The following SDK1 variants were observed in gnomAD, a reference collection of about 807,000 sequenced individuals.
SDK1 encodes the protein protein sidekick-1.
A neutral mutation model predicts 245.5 loss-of-function variants in SDK1; 157 were observed. That is an observed-to-expected ratio of 0.64 (90% CI 0.56 to 0.73). SDK1 has a LOEUF of 0.73. Among genes scored for constraint, SDK1 ranks in the 30% least tolerant of loss-of-function variants. SDK1 has a pLI of 0.00. For synonymous variants in SDK1, 1,647 were observed against 1,278.5 expected (o/e 1.29, Z -6.15); for missense variants, 3,583 against 3,002.3 (o/e 1.19, Z -4.52).
In SDK1 at chr7:4,268,947, CAGAG is replaced by C. The variant is rs1454211897; in HGVS notation, c.*3566_*3569del. 3 of 321,172 alleles carry C rather than the reference CAGAG, an allele frequency of 9.3e-6. No individual in the cohort carries two copies. The highest frequency in any genetic ancestry group is 4.3e-5 in the African/African-American group (2 of 46,128). The allele number at this position is 321,172 out of a possible 1,614,324, so 19.9% of individuals were successfully genotyped here. A position where few individuals can be genotyped will look rare whatever the true frequency, so the allele number is the denominator to read the frequency against. Reference sequence around the variant, plus strand: ...AAAAAAGAAACAACTTGTAGGAAGACAGAGAGGTGCTATGGGTACAATTTTTAAT... The same window carrying C: ...AAAAAAGAAACAACTTGTAGGAAGACAGGTGCTATGGGTACAATTTTTAAT... On this transcript the variant is annotated 3_prime_UTR_variant, in exon 45 of 45. Coordinates refer to ENST00000404826, the MANE Select transcript of SDK1 (RefSeq NM_152744.4).
chr7:3,738,590 T>C (rs1457276917), intron 4 of SDK1, among the ~76,000 whole-genome samples: 2 of 152,210 alleles, frequency 1.3e-5, no homozygotes, highest in East Asian at 1.9e-4. Flanking sequence ...TTAGGAATTT[T>C]AGCAGGATTG....
chr7:3,498,903 C>A (rs1782107198), intron 1 of SDK1, among the ~76,000 whole-genome samples: 1 of 152,050 alleles, frequency 6.6e-6, no homozygotes, highest in Non-Finnish European at 1.5e-5. Flanking sequence ...TTTAGGGGAC[C>A]CAGTGGGCAT....
intron 19 of SDK1, among the ~76,000 whole-genome samples, chr7:4,062,282 T>C (rs916103074): frequency 5.3e-5 from 8 of 152,130 alleles, no homozygotes; most frequent in Non-Finnish European, 7.4e-5. Flanking sequence ...GGAGACATTA[T>C]AACTGATACC....
chr7:3,741,702 C>T (rs1489421759), intron 4 of SDK1, among the ~76,000 whole-genome samples: 1 of 152,120 alleles, frequency 6.6e-6, no homozygotes, highest in Admixed American at 6.5e-5. Flanking sequence ...ATCACTGACT[C>T]TTCAAAGAAA....
At chr7:4,101,139 G>A (rs1782509532) in intron 22 of SDK1, among the ~76,000 whole-genome samples, 1 of 151,574 alleles carries the variant, frequency 6.6e-6, no homozygotes, top group African/African-American at 2.4e-5. Context: ...AAGGTAGCAA[G>A]GACACTTGCA....
chr7:3,901,809 C>T (rs1363936382), intron 5 of SDK1, among the ~76,000 whole-genome samples: 1 of 152,226 alleles, frequency 6.6e-6, no homozygotes, highest in Non-Finnish European at 1.5e-5. Flanking sequence ...TAAGGAACTC[C>T]TTTTCCTTCT....
intron 1 of SDK1, among the ~76,000 whole-genome samples, chr7:3,384,433 A>C (rs1257902482): frequency 1.3e-5 from 2 of 152,236 alleles, no homozygotes; most frequent in African/African-American, 4.8e-5. Flanking sequence ...AACTTGGGAA[A>C]GACTGCGTCC....
chr7:4,140,206 C>G (rs1026556408), intron 28 of SDK1, among the ~76,000 whole-genome samples: 2 of 152,180 alleles, frequency 1.3e-5, no homozygotes, highest in African/African-American at 4.8e-5. Context: ...GCTGCTCGTC[C>G]CCCTCTCAGA....
intron 4 of SDK1, among the ~76,000 whole-genome samples, chr7:3,738,328 G>A (rs1779379432): frequency 6.6e-6 from 1 of 152,114 alleles, no homozygotes; most frequent in Admixed American, 6.5e-5. Flanking sequence ...AATGGTCTTG[G>A]CACCTTTGTC....
intron 4 of SDK1, among the ~76,000 whole-genome samples, chr7:3,789,250 C>T (rs1013765880): frequency 1.1e-4 from 17 of 152,080 alleles, no homozygotes; most frequent in African/African-American, 2.9e-4. Context: ...CAGGTTCAAG[C>T]GATTCTCCTG....
At chr7:3,603,020 T>C (rs1158618600) in intron 1 of SDK1, among the ~76,000 whole-genome samples, 3 of 152,194 alleles carry the variant, frequency 2.0e-5, no homozygotes, top group African/African-American at 7.2e-5. Flanking sequence ...CTGAGGGCTC[T>C]GTTCTGTTCC....
intron 35 of SDK1, among the ~76,000 whole-genome samples, chr7:4,189,739 G>A (rs1018797326): frequency 7.9e-5 from 12 of 152,192 alleles, no homozygotes; most frequent in South Asian, 2.1e-4. Context: ...GTAGTGAGCC[G>A]AGATTGTGCC....
intron 1 of SDK1, among the ~76,000 whole-genome samples, chr7:3,398,641 A>AT (rs143047848): frequency 0.057 from 8,586 of 151,494 alleles, 681 homozygotes; most frequent in African/African-American, 0.18. Flanking sequence ...TGATTTATTT[A>AT]TTATTTTATT....
At chr7:3,811,932 C>T (rs1779394880) in intron 4 of SDK1, among the ~76,000 whole-genome samples, 1 of 152,198 alleles carries the variant, frequency 6.6e-6, no homozygotes, top group Non-Finnish European at 1.5e-5. Context: ...GTTGGACCTG[C>T]GTGCTTTGTG....
At chr7:3,573,333 G>T (rs891096727) in intron 1 of SDK1, among the ~76,000 whole-genome samples, 8 of 152,084 alleles carry the variant, frequency 5.3e-5, no homozygotes, top group Admixed American at 5.2e-4. Flanking sequence ...ACGCAGAGGC[G>T]GGGCCGGTGG....
rs116406167 is a variant in SDK1, at chr7:3,470,371, C to T, written c.299-148709C>T. ...GGTACTACCCTGAAAACGTGTACAA[C>T]TATTTAAAGATCTCATGAACACCCT... On this transcript the variant is annotated intron_variant, in intron 1 of 44. Coordinates refer to ENST00000404826, the MANE Select transcript of SDK1 (RefSeq NM_152744.4). Among the ~76,000 whole-genome samples the T allele has an allele frequency of 7.0e-3, 1,062 of 152,228 alleles. 11 individuals are homozygous for T. Among genetic ancestry groups the T allele is most frequent in the African/African-American group, 0.024 (1,004 of 41,532 alleles).
intron 3 of SDK1, among the ~76,000 whole-genome samples, chr7:3,641,274 C>G (rs577505885): frequency 3.3e-4 from 50 of 152,192 alleles, no homozygotes; most frequent in Non-Finnish European, 6.3e-4. Flanking sequence ...GAATCTTATT[C>G]AAAATTTTCA....
chr7:3,558,469 G>T (rs866398143), intron 1 of SDK1, among the ~76,000 whole-genome samples: 25 of 152,190 alleles, frequency 1.6e-4, no homozygotes, highest in Middle Eastern at 3.2e-3. Context: ...AAAGATCATA[G>T]AGAAGATTAG....
At chr7:4,208,053 GA>G in intron 36 of SDK1, 45 bp from the exon 37 acceptor site, 2 of 1,483,106 alleles carry the variant, frequency 1.3e-6, no homozygotes, top group South Asian at 2.4e-5. Flanking sequence ...CCGCTTACTG[GA>G]AGGCTTCCCC....
Sources: allele counts gnomAD v4.1 joint callset (sites outside exome capture counted in the v4.1 genomes callset), GRCh38; gene constraint gnomAD v4.1.1; transcripts MANE v1.5; gene names NCBI Gene and HGNC (gene_info 2026-07-23, HGNC 2026-07-21).